The following LCOR variants were observed in gnomAD, a reference collection of about 807,000 sequenced individuals.
LCOR encodes the protein ligand-dependent corepressor.
A neutral mutation model predicts 64.4 loss-of-function variants in LCOR; 14 were observed. The ratio of observed to expected loss-of-function variants is 0.22; its 90% CI spans 0.14 to 0.34. The LOEUF is 0.34. Among genes scored for constraint, LCOR ranks in the 10% least tolerant of loss-of-function variants. The probability of loss-of-function intolerance (pLI) is 1.00; values close to 1 mark genes in which losing one functional copy is unlikely to be tolerated. For synonymous variants in LCOR, 643 were observed against 642.5 expected (o/e 1.00, Z -0.01); for missense variants, 1,686 against 1,765.3 (o/e 0.96, Z 0.80).
At chr10:96,948,316 C>T (rs1284206523) in intron 5 of LCOR, among the ~76,000 whole-genome samples, 8 of 151,936 alleles carry the variant, frequency 5.3e-5, no homozygotes, top group Admixed American at 3.3e-4. Flanking sequence ...ATTTAAACAC[C>T]TAGCCCAGAG....
At chr10:96,894,774 T>C (rs1292133019) in intron 2 of LCOR, among the ~76,000 whole-genome samples, 1 of 152,224 alleles carries the variant, frequency 6.6e-6, no homozygotes, top group African/African-American at 2.4e-5. Flanking sequence ...TATATTTAGA[T>C]GTGTTTGATT....
chr10:96,961,796 A>T (rs950594244), intron 7 of LCOR: 3 of 151,784 alleles, frequency 2.0e-5, no homozygotes, highest in Non-Finnish European at 4.4e-5. Flanking sequence ...AATCTAGAAT[A>T]TTTTTACCCC....
At chr10:96,923,995 C>G (rs1356187319) in intron 4 of LCOR, among the ~76,000 whole-genome samples, 2 of 152,158 alleles carry the variant, frequency 1.3e-5, no homozygotes, top group African/African-American at 4.8e-5. Flanking sequence ...ATATCTTCAC[C>G]AGGTTCTCGA....
chr10:96,980,074 G>T (rs1450141523), intron 7 of LCOR, among the ~76,000 whole-genome samples: 2 of 152,202 alleles, frequency 1.3e-5, no homozygotes, highest in East Asian at 3.9e-4. Context: ...AACCCAGGAG[G>T]CAGAGGTTGC....
intron 4 of LCOR, among the ~76,000 whole-genome samples, chr10:96,939,687 G>A (rs1380071025): frequency 6.6e-6 from 1 of 152,192 alleles, no homozygotes; most frequent in African/African-American, 2.4e-5. Flanking sequence ...GATCTAGGCC[G>A]GGCGCGGGGC....
chr10:96,872,226 G>A lies in LCOR; in HGVS notation c.-329-35039G>A, dbSNP rs114031611. Among the ~76,000 whole-genome samples, 502 of 152,348 alleles carry A rather than the reference G, an allele frequency of 3.3e-3. 3 individuals carry two copies. The highest frequency in any genetic ancestry group is 0.012 in the African/African-American group (483 of 41,578). ...GGCACATATGGCTTATGCCATTACC[G>A]CAGTGTCAGTAAAAAGTATTGCTGA... is the stretch of plus-strand genomic sequence containing the variant. On this transcript the variant is annotated intron_variant, in intron 2 of 7. Coordinates refer to ENST00000421806, the MANE Select transcript of LCOR (RefSeq NM_001346516.2).
Position 96,981,947 on chromosome 10 carries a change from C to T in LCOR, c.1487C>T (p.Thr496Ile). The change falls in exon 8 of 8, where the codon ACA (threonine) becomes ATA (isoleucine). Residue 496 changes from threonine (T) to isoleucine (I), a missense_variant. By Grantham distance (89) the Thr-to-Ile change is moderately conservative. This residue lies in a region of LCOR where 1,293 missense variants were observed against 1,410.4 expected (regional missense o/e 0.92). Coordinates refer to ENST00000421806, the MANE Select transcript of LCOR (RefSeq NM_001346516.2). ...AAATCAATATTATCTTCTCGGAAAA[C>T]AGCCAGAAAGAGTACTCGAGGATAC... is the stretch of plus-strand genomic sequence containing the variant. ...NQKSILSSRK[T>I]ARKSTRGYFF... 1 of 1,614,154 alleles carries T rather than the reference C, an allele frequency of 6.2e-7. No individual in the cohort carries two copies. Among genetic ancestry groups the T allele is most frequent in the Non-Finnish European group, 8.5e-7 (1 of 1,180,050 alleles).
intron 7 of LCOR, among the ~76,000 whole-genome samples, chr10:96,978,327 C>T (rs1365715130): frequency 6.6e-6 from 1 of 152,210 alleles, no homozygotes; most frequent in African/African-American, 2.4e-5. Context: ...GCCATTCTTG[C>T]AAAGCAGGAG....
intron 7 of LCOR, chr10:96,956,639 A>G: frequency 1.0e-6 from 1 of 985,896 alleles, no homozygotes; most frequent in Non-Finnish European, 1.2e-6. Flanking sequence ...ATTACTTTGA[A>G]CACTACCTTT....
chr10:96,843,237 T>C lies in LCOR; in HGVS notation c.-330+9758T>C, dbSNP rs186281977. ...ACTCCTGGGGTCAAAGTGATCCTCC[T>C]GCCTCAGCCCCTGGAGTATCTGGGA... On this transcript the variant is annotated intron_variant, in intron 2 of 7. Transcript: ENST00000421806. Among the ~76,000 whole-genome samples, 10 of 152,312 alleles carry C rather than the reference T, an allele frequency of 6.6e-5. No homozygotes were observed. In the South Asian group the frequency reaches 1.2e-3, roughly 19 times the overall value.
At chr10:96,887,336 G>A (rs377163772) in intron 2 of LCOR, among the ~76,000 whole-genome samples, 11 of 152,246 alleles carry the variant, frequency 7.2e-5, no homozygotes, top group East Asian at 5.8e-4. Flanking sequence ...GGGAGGCCGA[G>A]GTGGGTGGAT....
intron 2 of LCOR, among the ~76,000 whole-genome samples, chr10:96,850,901 C>T (rs1427120537): frequency 6.6e-6 from 1 of 152,184 alleles, no homozygotes; most frequent in Non-Finnish European, 1.5e-5. Context: ...GGCATTATTG[C>T]TCCAGAAAGA....
chr10:96,912,127 T>C (rs536436363), intron 4 of LCOR, among the ~76,000 whole-genome samples: 38 of 151,052 alleles, frequency 2.5e-4, no homozygotes, highest in African/African-American at 9.0e-4. Flanking sequence ...AGAGGCGGGG[T>C]TTCACCATGT....
chr10:96,934,266 T>C (rs1039593818), intron 4 of LCOR, among the ~76,000 whole-genome samples: 4 of 152,222 alleles, frequency 2.6e-5, no homozygotes, highest in Admixed American at 6.5e-5. Flanking sequence ...GTAAACAGTA[T>C]AGGACTATGA....
chr10:96,854,685 A>G (rs1435324856), intron 2 of LCOR, among the ~76,000 whole-genome samples: 1 of 152,170 alleles, frequency 6.6e-6, no homozygotes, highest in Non-Finnish European at 1.5e-5. Flanking sequence ...TGCTAAGCAG[A>G]TATTTTTCCC....
chr10:96,929,130 A>C (rs773154563), intron 4 of LCOR, among the ~76,000 whole-genome samples: 1 of 152,226 alleles, frequency 6.6e-6, no homozygotes, highest in Non-Finnish European at 1.5e-5. Flanking sequence ...ACTGGCTTCA[A>C]CTTTGGTCAC....
chr10:96,862,195 G>A (rs1297274876), intron 2 of LCOR, among the ~76,000 whole-genome samples: 1 of 152,192 alleles, frequency 6.6e-6, no homozygotes, highest in Non-Finnish European at 1.5e-5. Flanking sequence ...GCCTCCACAT[G>A]TTCAGGTATT....
chr10:96,859,220 T>G (rs1466570692), intron 2 of LCOR, among the ~76,000 whole-genome samples: 2 of 152,168 alleles, frequency 1.3e-5, no homozygotes, highest in Non-Finnish European at 2.9e-5. Flanking sequence ...TTGGCAGGTA[T>G]GATGGTAAAG....
intron 7 of LCOR, chr10:96,957,518 A>G: frequency 4.1e-6 from 4 of 985,452 alleles, no homozygotes; most frequent in Non-Finnish European, 3.6e-6. Flanking sequence ...TAATCTGCTG[A>G]GAAAGGTGGT....
Sources: gnomAD v4.1 joint callset for allele counts (sites outside exome capture counted in the v4.1 genomes callset) on GRCh38, gnomAD v4.1.1 for gene constraint, gnomAD v4.1.1 regional missense constraint, MANE v1.5 for transcripts, NCBI Gene and HGNC (gene_info 2026-07-23, HGNC 2026-07-21) for gene names.